The following MAPK10 variants were observed in gnomAD, a reference collection of about 807,000 sequenced individuals.
MAPK10 encodes mitogen-activated protein kinase 10, also known as JNK3 alpha protein kinase.
A neutral mutation model predicts 59.3 loss-of-function variants in MAPK10; 25 were observed. The observed-to-expected ratio is 0.42, with a 90% confidence interval of 0.31 to 0.59. The LOEUF (loss-of-function observed/expected upper bound fraction) is 0.59. Among genes scored for constraint, MAPK10 ranks in the 20% least tolerant of loss-of-function variants. The pLI is 0.15. For synonymous variants in MAPK10, 190 were observed against 200.5 expected (o/e 0.95, Z 0.44); for missense variants, 351 against 568.9 (o/e 0.62, Z 3.90).
intron 3 of MAPK10, among the ~76,000 whole-genome samples, chr4:86,184,439 C>T (rs929444782): frequency 3.9e-5 from 6 of 152,152 alleles, no homozygotes; most frequent in Admixed American, 1.3e-4. Flanking sequence ...ACTGTTGCTA[C>T]TGATTACATA....
At chr4:86,564,674 G>T (rs1760929372) in intron 1 of MAPK10, among the ~76,000 whole-genome samples, 1 of 152,070 alleles carries the variant, frequency 6.6e-6, no homozygotes, top group African/African-American at 2.4e-5. Context: ...GCCATGAGGA[G>T]ATACCCCTTC....
chr4:86,511,508 T>A (rs1182594065), intron 1 of MAPK10, among the ~76,000 whole-genome samples: 1 of 151,832 alleles, frequency 6.6e-6, no homozygotes, highest in Non-Finnish European at 1.5e-5. Context: ...GAGGTTGCAG[T>A]GAGCCATGAT....
intron 2 of MAPK10, among the ~76,000 whole-genome samples, chr4:86,318,638 T>C (rs1040200275): frequency 6.6e-6 from 1 of 152,172 alleles, no homozygotes; most frequent in African/African-American, 2.4e-5. Flanking sequence ...TTGCATCATT[T>C]GAAGGGTTTC....
At chr4:86,091,808 A>C (rs1399705376) in intron 9 of MAPK10, among the ~76,000 whole-genome samples, 1 of 151,508 alleles carries the variant, frequency 6.6e-6, no homozygotes, top group Non-Finnish European at 1.5e-5. Flanking sequence ...CTAGTAGCTG[A>C]GATTACAGGC....
chr4:86,315,659 A>G (rs1374875578), intron 2 of MAPK10, among the ~76,000 whole-genome samples: 1 of 149,164 alleles, frequency 6.7e-6, no homozygotes, highest in Non-Finnish European at 1.5e-5. Flanking sequence ...AATTAGCATC[A>G]AGAATATAGT....
intron 1 of MAPK10, among the ~76,000 whole-genome samples, chr4:86,397,877 A>AC (rs1554258176): frequency 2.0e-5 from 3 of 150,112 alleles, no homozygotes; most frequent in African/African-American, 4.9e-5. Flanking sequence ...AAAAAAAAAA[A>AC]AAAAAAAAAA....
intron 4 of MAPK10, among the ~76,000 whole-genome samples, chr4:86,139,799 T>A (rs1326418237): frequency 1.3e-5 from 2 of 151,138 alleles, no homozygotes; most frequent in East Asian, 3.9e-4. Context: ...AAAGGGCTAA[T>A]ATCCAGAATC....
intron 2 of MAPK10, among the ~76,000 whole-genome samples, chr4:86,322,515 G>C (rs1177179588): frequency 1.3e-5 from 2 of 152,088 alleles, no homozygotes; most frequent in Non-Finnish European, 2.9e-5. Flanking sequence ...GCTCAAGTCT[G>C]ACCTCTTTGA....
At chr4:86,381,723 G>T (rs1169955458) in intron 1 of MAPK10, among the ~76,000 whole-genome samples, 1 of 152,168 alleles carries the variant, frequency 6.6e-6, no homozygotes, top group African/African-American at 2.4e-5. Context: ...GTCCCAACAA[G>T]AAACAGATGG....
intron 13 of MAPK10, chr4:86,020,561 C>T (rs7692460): frequency 0.2 from 33,993 of 167,922 alleles, 4,303 homozygotes; most frequent in African/African-American, 0.36. Context: ...AGATTGAAGC[C>T]GCGGACCCTC....
chr4:86,251,290 G>A (rs1264871318), intron 2 of MAPK10, among the ~76,000 whole-genome samples: 1 of 151,814 alleles, frequency 6.6e-6, no homozygotes, highest in Non-Finnish European at 1.5e-5. Flanking sequence ...TCGTCATCTA[G>A]CATTAGGTAT....
chr4:86,224,690 T>C (rs924229249), intron 2 of MAPK10, among the ~76,000 whole-genome samples: 2 of 152,218 alleles, frequency 1.3e-5, no homozygotes, highest in Non-Finnish European at 2.9e-5. Flanking sequence ...CAAGCATATG[T>C]ATACCTTCCC....
Position 86,385,507 on chromosome 4 carries a change from TA to T in MAPK10, c.-121-30864del, listed in dbSNP as rs1741342380. Among the ~76,000 whole-genome samples, 3 of 152,230 alleles carry T rather than the reference TA, an allele frequency of 2.0e-5. No homozygotes were observed. The South Asian group carries it at 6.2e-4, about 31-fold the overall frequency. ...TTTCTTATACATATTTCTTTTTCTT[TA>T]AAATATAAACTATGTAATCATTGGT... is the stretch of plus-strand genomic sequence containing the variant. On this transcript the variant is annotated intron_variant, in intron 1 of 13. Transcript: ENST00000361569.
chr4:86,322,372 A>C (rs2095915517), intron 2 of MAPK10, among the ~76,000 whole-genome samples: 1 of 152,232 alleles, frequency 6.6e-6, no homozygotes. Context: ...CAGAGATTCT[A>C]TTTATAGAAC....
rs189630953 is a variant in MAPK10, at chr4:86,569,577, A to T, written c.-263+24333T>A. 9.4e-3 allele frequency among the ~76,000 whole-genome samples: 1,434 copies of T among 152,252 alleles called. 6 individuals are homozygous for T. Among genetic ancestry groups the T allele is most frequent in the Non-Finnish European group, 0.014 (960 of 67,994 alleles). The stretch of plus-strand genomic sequence containing the variant: ...ACCTACCTACCTACCTGTGGGATTT[A>T]AAAAAATGTGGTATTATATATACCA... On this transcript the variant is annotated intron_variant, in intron 1 of 4. Coordinates refer to the MAPK10 transcript ENST00000502302.
At chr4:86,227,489 A>AAAC (rs1328708345) in intron 2 of MAPK10, among the ~76,000 whole-genome samples, 2 of 151,432 alleles carry the variant, frequency 1.3e-5, no homozygotes, top group African/African-American at 4.8e-5. Flanking sequence ...TCCCTCTAAA[A>AAAC]AAAAAAAAAA....
intron 4 of MAPK10, among the ~76,000 whole-genome samples, chr4:86,129,391 G>A (rs567671262): frequency 5.3e-5 from 8 of 152,264 alleles, no homozygotes; most frequent in Middle Eastern, 6.8e-3. Context: ...TTTGAGAAAC[G>A]TAGTAAAACC....
At chr4:86,386,537 C>T (rs1397486183) in intron 1 of MAPK10, among the ~76,000 whole-genome samples, 1 of 152,052 alleles carries the variant, frequency 6.6e-6, no homozygotes, top group Non-Finnish European at 1.5e-5. Flanking sequence ...TAATCTTGAT[C>T]TATAAATGAT....
intron 2 of MAPK10, among the ~76,000 whole-genome samples, chr4:86,320,245 A>T (rs2095863438): frequency 1.3e-5 from 2 of 152,190 alleles, no homozygotes; most frequent in African/African-American, 4.8e-5. Flanking sequence ...TTGAAAATAT[A>T]TCTCCCAATC....
Sources: gnomAD v4.1 joint callset for allele counts (sites outside exome capture counted in the v4.1 genomes callset) on GRCh38, gnomAD v4.1.1 for gene constraint, MANE v1.5 for transcripts, NCBI Gene and HGNC (gene_info 2026-07-23, HGNC 2026-07-21) for gene names.